SDK1: variants seen among roughly 807,000 people sequenced by gnomAD.
SDK1 encodes sidekick cell adhesion molecule 1.
In SDK1, 157 loss-of-function variants were observed where a neutral mutation model predicts 245.5. That is an observed-to-expected ratio of 0.64 (90% CI 0.56 to 0.73). The LOEUF is 0.73. Among genes scored for constraint, SDK1 ranks in the 30% least tolerant of loss-of-function variants. The pLI is 0.00. For synonymous variants in SDK1, 1,647 were observed against 1,278.5 expected (o/e 1.29, Z -6.15); for missense variants, 3,583 against 3,002.3 (o/e 1.19, Z -4.52).
intron 36 of SDK1, 89 bp downstream of exon 36, chr7:4,206,083 C>T (rs1378691386): frequency 3.6e-6 from 3 of 840,884 alleles, no homozygotes; most frequent in Non-Finnish European, 5.5e-6. Flanking sequence ...CAGCAGCAGA[C>T]CCCGCAGGCG....
intron 5 of SDK1, among the ~76,000 whole-genome samples, chr7:3,835,526 T>A (rs972579169): frequency 6.6e-6 from 1 of 152,148 alleles, no homozygotes; most frequent in Non-Finnish European, 1.5e-5. Flanking sequence ...CAAAGCTATT[T>A]TTTCTCCTAA....
intron 1 of SDK1, among the ~76,000 whole-genome samples, chr7:3,477,804 A>G (rs1781394707): frequency 6.6e-6 from 1 of 152,116 alleles, no homozygotes; most frequent in Admixed American, 6.5e-5. Context: ...GTGAGGTACC[A>G]CACCTGGCCT....
intron 5 of SDK1, among the ~76,000 whole-genome samples, chr7:3,901,265 C>T (rs1443649960): frequency 2.0e-5 from 3 of 152,068 alleles, no homozygotes; most frequent in African/African-American, 7.2e-5. Context: ...CAGCTCACTG[C>T]AACCTCCGCC....
intron 1 of SDK1, among the ~76,000 whole-genome samples, chr7:3,453,096 C>G (rs905137346): frequency 3.3e-5 from 5 of 152,280 alleles, no homozygotes; most frequent in Middle Eastern, 6.8e-3. Context: ...TGGTACCCAT[C>G]CTGCCACTGG....
At chr7:3,340,791 G>A (rs1192740129) in intron 1 of SDK1, among the ~76,000 whole-genome samples, 4 of 148,568 alleles carry the variant, frequency 2.7e-5, no homozygotes, top group Non-Finnish European at 6.0e-5. Context: ...AATCATCTAT[G>A]AAGCACAATA....
chr7:3,760,571 T>G (rs944060693), intron 4 of SDK1, among the ~76,000 whole-genome samples: 13 of 152,258 alleles, frequency 8.5e-5, no homozygotes, highest in Admixed American at 8.5e-4. Context: ...TTTAAGGAAT[T>G]AAAACATTTT....
chr7:4,179,235 G>A (rs774809941), intron 35 of SDK1: 2 of 152,302 alleles, frequency 1.3e-5, no homozygotes, highest in Non-Finnish European at 2.9e-5. Flanking sequence ...GCTGGCTGGT[G>A]ACTTTAAAGA....
At chr7:3,840,684 C>G (rs1409417171) in intron 5 of SDK1, among the ~76,000 whole-genome samples, 3 of 152,252 alleles carry the variant, frequency 2.0e-5, no homozygotes, top group African/African-American at 4.8e-5. Context: ...ACGGACAACT[C>G]TGGTCACGGA....
chr7:4,021,348 G>A (rs1163363051), intron 17 of SDK1, among the ~76,000 whole-genome samples: 1 of 152,168 alleles, frequency 6.6e-6, no homozygotes, highest in Non-Finnish European at 1.5e-5. Flanking sequence ...ATGGACACGA[G>A]GGTTGTGATC....
intron 4 of SDK1, among the ~76,000 whole-genome samples, chr7:3,741,660 C>A (rs1163120779): frequency 6.6e-6 from 1 of 152,162 alleles, no homozygotes; most frequent in African/African-American, 2.4e-5. Context: ...GTATCATTTA[C>A]ATTTACAATC....
chr7:4,194,432 A>G (rs1008646757), intron 35 of SDK1, among the ~76,000 whole-genome samples: 3 of 107,642 alleles, frequency 2.8e-5, no homozygotes, highest in African/African-American at 1.2e-4. Flanking sequence ...ATGTATACGT[A>G]TATACATATA....
chr7:3,324,949 A>C (rs566525394), intron 1 of SDK1, among the ~76,000 whole-genome samples: 1 of 152,282 alleles, frequency 6.6e-6, no homozygotes, highest in East Asian at 1.9e-4. Flanking sequence ...TTTTTAACAG[A>C]GGACAAGCTT....
intron 5 of SDK1, among the ~76,000 whole-genome samples, chr7:3,848,161 A>G (rs894537186): frequency 6.6e-6 from 1 of 152,232 alleles, no homozygotes; most frequent in African/African-American, 2.4e-5. Flanking sequence ...TCAGGATTCT[A>G]TAATATATTA....
chr7:3,656,179 T>TA (rs1193930633), intron 4 of SDK1, among the ~76,000 whole-genome samples: 2 of 152,284 alleles, frequency 1.3e-5, no homozygotes, highest in African/African-American at 4.8e-5. Context: ...ACCTTGTAAG[T>TA]AGATATGCCC....
At chr7:3,672,393 A>C (rs952321026) in intron 4 of SDK1, among the ~76,000 whole-genome samples, 3 of 151,606 alleles carry the variant, frequency 2.0e-5, no homozygotes, top group African/African-American at 7.3e-5. Flanking sequence ...GTAAGCCAAC[A>C]TGAAAGATGA....
intron 32 of SDK1, among the ~76,000 whole-genome samples, chr7:4,165,050 T>TTTTG (rs1781415941): frequency 1.3e-5 from 2 of 152,126 alleles, no homozygotes; most frequent in South Asian, 4.2e-4. Flanking sequence ...CTTTTGTGTT[T>TTTTG]TTTGTTTTGT....
At chr7:3,886,671 T>C (rs1434395435) in intron 5 of SDK1, among the ~76,000 whole-genome samples, 2 of 152,192 alleles carry the variant, frequency 1.3e-5, no homozygotes, top group East Asian at 3.8e-4. Context: ...TCCCAGCATT[T>C]TGGGAGGCTG....
At chr7:3,424,398 A>AT (rs1195347905) in intron 1 of SDK1, among the ~76,000 whole-genome samples, 1 of 152,202 alleles carries the variant, frequency 6.6e-6, no homozygotes. Flanking sequence ...AAGCCTAGTT[A>AT]TACCACCCTC....
intron 40 of SDK1, among the ~76,000 whole-genome samples, chr7:4,225,124 G>A (rs184581786): frequency 2.5e-3 from 378 of 150,858 alleles, no homozygotes; most frequent in African/African-American, 8.9e-3. Flanking sequence ...ATGGGTGGCT[G>A]TCACAGGGTC....
Sources: allele counts gnomAD v4.1 joint callset (sites outside exome capture counted in the v4.1 genomes callset), GRCh38; gene constraint gnomAD v4.1.1; transcripts MANE v1.5; gene names NCBI Gene and HGNC (gene_info 2026-07-23, HGNC 2026-07-21).